The following SLIT1 variants were observed in gnomAD, a reference collection of about 807,000 sequenced individuals.
The protein encoded by SLIT1 is slit homolog 1 protein.
SLIT1 carries 66 observed loss-of-function variants against 186.1 expected under a neutral mutation model. The observed-to-expected ratio is 0.35, with a 90% CI of 0.29 to 0.44. The LOEUF is 0.44. SLIT1 is among the 20% of genes least tolerant of loss of function. The pLI, the probability that SLIT1 is intolerant of heterozygous loss-of-function variation, is 1.00. For missense variants in SLIT1, 1,638 were observed against 2,037.4 expected (o/e 0.80, Z 3.77); for synonymous variants, 761 against 833.8 (o/e 0.91, Z 1.50).
rs1412847018 is a variant in SLIT1 at position 97,184,519 on chromosome 10, A to T, written c.197+959T>A. ...ATACTAGGAATTCACACAGAAACAC[A>T]TTCTGCAGGAGAGTCACAGAAAACA... On this transcript the variant is annotated intron_variant, in intron 1 of 36. Coordinates refer to ENST00000266058, the MANE Select transcript of SLIT1 (RefSeq NM_003061.3). The surrounding 1 kb of genome is among the most constrained non-coding windows in gnomAD (Gnocchi z 4.4). Among the ~76,000 whole-genome samples the T allele has an allele frequency of 6.6e-6, 1 of 152,014 alleles. No individual in the cohort carries two copies. The highest frequency in any genetic ancestry group is 1.9e-4 in the East Asian group (1 of 5,168).
At chr10:97,034,396 AG>A in intron 23 of SLIT1, 74 bp downstream of exon 23, 2 of 1,098,976 alleles carry the variant, frequency 1.8e-6, no homozygotes, top group Non-Finnish European at 1.4e-6. Context: ...GGGAGCAAAA[AG>A]CACAGGCTGG....
intron 4 of SLIT1, among the ~76,000 whole-genome samples, chr10:97,138,977 C>T (rs911153701): frequency 8.5e-5 from 13 of 152,224 alleles, no homozygotes; most frequent in Non-Finnish European, 1.6e-4. Flanking sequence ...AACACTCTGC[C>T]TAAGCCCAAG....
rs529258789 is a variant in SLIT1 at position 96,999,831 on chromosome 10, G to A, written c.*1281C>T. 2 of 152,278 alleles carry A rather than the reference G, an allele frequency of 1.3e-5. No individual in the cohort carries two copies. Among genetic ancestry groups the A allele is most frequent in the Non-Finnish European group, 2.9e-5 (2 of 68,110 alleles). 9.4% of individuals were successfully genotyped at this position (152,278 alleles called of 1,614,324 possible). Reference sequence around the variant, plus strand: ...TCCCGGGCATCCTGGTCATTCCTGCGATGCTCTGGGATGAGTTCACATCTG... The same window carrying A: ...TCCCGGGCATCCTGGTCATTCCTGCAATGCTCTGGGATGAGTTCACATCTG... On this transcript the variant is annotated 3_prime_UTR_variant, in exon 37 of 37. Transcript: ENST00000266058.
At chr10:97,176,713 G>A (rs1177272059) in intron 1 of SLIT1, among the ~76,000 whole-genome samples, 2 of 151,962 alleles carry the variant, frequency 1.3e-5, no homozygotes, top group Non-Finnish European at 2.9e-5. Context: ...TCCTCAGACG[G>A]ACTGAATGCT....
intron 1 of SLIT1, among the ~76,000 whole-genome samples, chr10:97,171,998 A>C (rs947660366): frequency 2.0e-5 from 3 of 151,240 alleles, no homozygotes; most frequent in African/African-American, 7.3e-5. Context: ...AGGCCCACAG[A>C]GCGCCCCAAC....
At chr10:97,176,970 C>T (rs921313833) in intron 1 of SLIT1, among the ~76,000 whole-genome samples, 1 of 152,140 alleles carries the variant, frequency 6.6e-6, no homozygotes, top group African/African-American at 2.4e-5. Context: ...CCAGGAAATC[C>T]CAGCACCAAG....
At chr10:97,181,418 C>T (rs558277112) in intron 1 of SLIT1, among the ~76,000 whole-genome samples, 11 of 152,250 alleles carry the variant, frequency 7.2e-5, no homozygotes, top group Non-Finnish European at 1.0e-4. Flanking sequence ...CTTCCTTATG[C>T]GTGACCACTC....
intron 24 of SLIT1, 48 bp from the exon 25 acceptor site, chr10:97,030,876 G>C: frequency 6.6e-7 from 1 of 1,525,070 alleles, no homozygotes; most frequent in African/African-American, 1.4e-5. Context: ...ACAGAGATGG[G>C]AGACCTGCTG....
In SLIT1 at chr10:97,002,302, A is replaced by C. The variant is rs745736382; in HGVS notation, c.4222T>G (p.Ser1408Ala). The change falls in exon 36 of 37, where the codon TCG becomes GCG. Residue 1408 changes from serine (S) to alanine (A), a missense_variant. By Grantham distance (99) the Ser-to-Ala change is moderately conservative. Coordinates refer to ENST00000266058, the MANE Select transcript of SLIT1 (RefSeq NM_003061.3). ...SYSCQCQDGY[S>A]GALCNQAGAL... Reference sequence around the variant, plus strand: ...CCGGCCTGGTTGCACAGTGCCCCCGAGTACCCATCCTGGCACTGGCAGCTG... The same window carrying C: ...CCGGCCTGGTTGCACAGTGCCCCCGCGTACCCATCCTGGCACTGGCAGCTG... The C allele has an allele frequency of 7.4e-6, 12 of 1,611,452 alleles. No individual in the cohort carries two copies. In the South Asian group the frequency reaches 1.1e-4, roughly 15 times the overall value.
At chr10:97,055,182 A>G (rs1231861804) in intron 13 of SLIT1, among the ~76,000 whole-genome samples, 1 of 152,140 alleles carries the variant, frequency 6.6e-6, no homozygotes, top group Admixed American at 6.5e-5. Flanking sequence ...GTGCCATTGC[A>G]CTCCAGCCTA....
intron 4 of SLIT1, among the ~76,000 whole-genome samples, chr10:97,156,082 A>T (rs1849947450): frequency 6.6e-6 from 1 of 152,224 alleles, no homozygotes; most frequent in Non-Finnish European, 1.5e-5. Context: ...TATGCCTGGC[A>T]CAGAATGGAT....
intron 4 of SLIT1, among the ~76,000 whole-genome samples, chr10:97,124,463 G>A (rs1320263727): frequency 2.0e-5 from 3 of 152,182 alleles, no homozygotes; most frequent in Non-Finnish European, 4.4e-5. Flanking sequence ...TAATTCATGG[G>A]TACAAACAAT....
Position 97,185,814 on chromosome 10 carries a change from G to C in SLIT1, c.-140C>G. 2 of 710,892 alleles carry C rather than the reference G, an allele frequency of 2.8e-6. No homozygotes were observed. The highest frequency in any genetic ancestry group is 4.2e-6 in the Non-Finnish European group (2 of 476,962). The allele number at this position is 710,892 out of a possible 1,614,324, so 44.0% of individuals were successfully genotyped here. A position where few individuals can be genotyped will look rare whatever the true frequency, so the allele number is the denominator to read the frequency against. ...TTGCGCGCGGCGCCCCTGCGGGCTG[G>C]GAGGCACCTTGCTCCTCCAAGCGAC... On this transcript the variant is annotated 5_prime_UTR_variant, in exon 1 of 37. Transcript: ENST00000266058.
chr10:97,052,096 T>TG (rs1564662860), intron 13 of SLIT1, among the ~76,000 whole-genome samples: 2 of 103,298 alleles, frequency 1.9e-5, no homozygotes, highest in African/African-American at 6.0e-5. Flanking sequence ...TTCGGTTTTT[T>TG]TTTGTTTGTT....
intron 4 of SLIT1, among the ~76,000 whole-genome samples, chr10:97,137,928 C>G (rs73322786): frequency 0.013 from 1,951 of 152,268 alleles, 41 homozygotes; most frequent in African/African-American, 0.043. Context: ...AAAACTGAGT[C>G]TAAACAAGAT....
intron 4 of SLIT1, chr10:97,157,381 A>G (rs548708795): frequency 3.0e-4 from 50 of 168,762 alleles, no homozygotes; most frequent in Admixed American, 1.8e-3. Flanking sequence ...TACAGACCTC[A>G]TGGCCCTAAA....
intron 24 of SLIT1, among the ~76,000 whole-genome samples, chr10:97,031,364 C>T (rs995497076): frequency 3.3e-5 from 5 of 152,180 alleles, no homozygotes; most frequent in Non-Finnish European, 5.9e-5. Flanking sequence ...TTGGATGTCC[C>T]GCCCCTACCA....
At chr10:97,110,787 A>C (rs977315430) in intron 4 of SLIT1, among the ~76,000 whole-genome samples, 1 of 152,220 alleles carries the variant, frequency 6.6e-6, no homozygotes, top group East Asian at 1.9e-4. Flanking sequence ...TCTTTTGCTT[A>C]AGTTTGGTGG....
At chr10:97,130,800 A>T (rs544217972) in intron 4 of SLIT1, among the ~76,000 whole-genome samples, 1 of 152,352 alleles carries the variant, frequency 6.6e-6, no homozygotes, top group African/African-American at 2.4e-5. Context: ...CACGAGGCGC[A>T]TAAAAACACC....
Sources: gnomAD v4.1 joint callset for allele counts (sites outside exome capture counted in the v4.1 genomes callset) on GRCh38, gnomAD v4.1.1 for gene constraint, Gnocchi (gnomAD v3.1) non-coding constraint, MANE v1.5 for transcripts, NCBI Gene and HGNC (gene_info 2026-07-23, HGNC 2026-07-21) for gene names.